Variants in PAICS observed in about 807,000 individuals in gnomAD.
The protein encoded by PAICS is bifunctional phosphoribosylaminoimidazole carboxylase/phosphoribosylaminoimidazole succinocarboxamide synthetase.
Under a neutral mutation model 53.7 loss-of-function variants are expected in PAICS, and 33 were observed. The observed-to-expected ratio is 0.61, with a 90% CI of 0.47 to 0.82. The LOEUF (loss-of-function observed/expected upper bound fraction) is 0.82, where lower values mean the gene tolerates loss of function less well. Ranked by LOEUF, PAICS falls within the 40% of genes least tolerant of loss-of-function variation. PAICS has a pLI of 0.00. For missense variants in PAICS, 394 were observed against 494.1 expected (o/e 0.80, Z 1.92); for synonymous variants, 141 against 167.2 (o/e 0.84, Z 1.21).
the PAICS span, chr4:56,420,674 A>C: frequency 6.6e-6 from 1 of 152,250 alleles, no homozygotes; most frequent in African/African-American, 2.4e-5. Context: ...AAGTTAAAGT[A>C]AATTTTCATA....
upstream of PAICS, among the ~76,000 whole-genome samples, chr4:56,435,120 C>T (rs1046375436): frequency 6.6e-6 from 1 of 152,154 alleles, no homozygotes; most frequent in African/African-American, 2.4e-5. Flanking sequence ...GAGAGAGCCC[C>T]TAAAAGGCAT....
At chr4:56,437,257 G>GT (rs1491143836) in intron 1 of PAICS, among the ~76,000 whole-genome samples, 2 of 11,034 alleles carry the variant, frequency 1.8e-4, no homozygotes, top group African/African-American at 3.8e-4. Flanking sequence ...TGCCATGATG[G>GT]TGTGTGTGTG....
the PAICS span, chr4:56,410,873 A>G: frequency 1.1e-6 from 1 of 941,638 alleles, no homozygotes; most frequent in Admixed American, 7.4e-5. Context: ...GCTCAGCCCA[A>G]GTACAGCCCC....
chr4:56,447,589 T>A (rs1718684136), intron 3 of PAICS, among the ~76,000 whole-genome samples: 1 of 152,198 alleles, frequency 6.6e-6, no homozygotes, highest in Admixed American at 6.5e-5. Flanking sequence ...TTGGAAAGAT[T>A]TGATTGATTA....
At chr4:56,435,230 G>T, upstream of PAICS, 1 of 1,446,282 alleles carries the variant, frequency 6.9e-7, no homozygotes. Context: ...GGCAGGTACT[G>T]GCTTAGGTCG....
upstream of PAICS, chr4:56,435,716 T>A (rs1290238145): frequency 4.1e-6 from 6 of 1,468,516 alleles, 1 homozygote; most frequent in South Asian, 6.8e-5. Context: ...GTCCCGCGGC[T>A]GAGGGGCGGG....
chr4:56,449,703 C>T (rs921729689), intron 5 of PAICS, among the ~76,000 whole-genome samples: 8 of 151,344 alleles, frequency 5.3e-5, no homozygotes, highest in South Asian at 4.2e-4. Context: ...ATTGGCCAGG[C>T]GCGGTGGCTC....
chr4:56,434,968 A>G (rs575004098), upstream of PAICS, among the ~76,000 whole-genome samples: 1 of 152,306 alleles, frequency 6.6e-6, no homozygotes, highest in Admixed American at 6.5e-5. Context: ...ACACTAGCCT[A>G]TTACAGGAGC....
upstream of PAICS, among the ~76,000 whole-genome samples, chr4:56,433,397 T>TA (rs34598008): frequency 2.6e-3 from 307 of 118,092 alleles, no homozygotes; most frequent in African/African-American, 5.0e-3. Flanking sequence ...TGGTATTCAT[T>TA]AAAAAAAAAA....
the PAICS span, among the ~76,000 whole-genome samples, chr4:56,426,392 ACT>A: frequency 6.6e-6 from 1 of 150,538 alleles, no homozygotes; most frequent in Non-Finnish European, 1.5e-5. Context: ...ACTGAGCAAG[ACT>A]CTGTCTCAAA....
intron 5 of PAICS, among the ~76,000 whole-genome samples, chr4:56,449,975 C>CAA (rs201486050): frequency 2.4e-4 from 27 of 114,450 alleles, no homozygotes; most frequent in South Asian, 1.1e-3. Context: ...ACTCTGTCTC[C>CAA]AAAAAAAAAA....
rs992657513 is a variant in PAICS at position 56,453,544 on chromosome 4, C to A, written c.953-59C>A. On this transcript the variant is annotated intron_variant, in intron 7 of 8. Transcript: ENST00000512576. ...GCCTTAAACCAAAAAAAAAAAAAAA[C>A]CCTGTCTTTAAATCTGTTTTGAATG... 2.2e-4 allele frequency: 210 copies of A among 939,466 alleles called. 2 individuals are homozygous for A. Among genetic ancestry groups the A allele is most frequent in the South Asian group, 2.1e-3 (93 of 43,686 alleles). 58.2% of individuals were successfully genotyped at this position (939,466 alleles called of 1,614,324 possible).
intron 1 of PAICS, chr4:56,436,658 T>G (rs1717990646): frequency 5.1e-6 from 3 of 593,228 alleles, no homozygotes; most frequent in African/African-American, 1.8e-5. Flanking sequence ...GCCCGTTAGG[T>G]TAATGACCTT....
the PAICS span, among the ~76,000 whole-genome samples, chr4:56,417,927 C>T: frequency 6.7e-6 from 1 of 149,960 alleles, no homozygotes; most frequent in Non-Finnish European, 1.5e-5. Context: ...TGCAATCCTG[C>T]CTCCCAGGTT....
chr4:56,436,062 C>T (rs1180882496), upstream of PAICS: 15 of 1,499,928 alleles, frequency 1.0e-5, no homozygotes, highest in East Asian at 2.7e-4. Context: ...CGGGGCGGCC[C>T]GGAGGCGGGG....
intron 1 of PAICS, among the ~76,000 whole-genome samples, chr4:56,440,316 C>T (rs1289086425): frequency 6.6e-6 from 1 of 152,192 alleles, no homozygotes; most frequent in Non-Finnish European, 1.5e-5. Flanking sequence ...GTTAATGAGT[C>T]TAGACATTAC....
At chr4:56,414,252 T>C in the PAICS span, 3 of 152,228 alleles carry the variant, frequency 2.0e-5, no homozygotes, top group East Asian at 1.9e-4. Flanking sequence ...TGGTGTGTGA[T>C]ACACGGAAGA....
At chr4:56,436,645 T>G in intron 1 of PAICS, 1 of 629,960 alleles carries the variant, frequency 1.6e-6, no homozygotes, top group Non-Finnish European at 2.9e-6. Context: ...TGAGTCTTGC[T>G]TTGCCCGTTA....
upstream of PAICS, among the ~76,000 whole-genome samples, chr4:56,433,651 C>T (rs559950209): frequency 1.3e-5 from 2 of 152,042 alleles, no homozygotes; most frequent in East Asian, 3.9e-4. Context: ...CCCTAAAGAC[C>T]TCTAGATTCT....
Sources: gnomAD v4.1 joint callset for allele counts (sites outside exome capture counted in the v4.1 genomes callset) on GRCh38, gnomAD v4.1.1 for gene constraint, MANE v1.5 for transcripts, NCBI Gene and HGNC (gene_info 2026-07-23, HGNC 2026-07-21) for gene names.